The following SUGCT variants were observed in gnomAD, a reference collection of about 807,000 sequenced individuals.
SUGCT encodes the protein succinyl-CoA:glutarate-CoA transferase, also known as succinyl-CoA:glutarate CoA-transferase.
Under a neutral mutation model 55.0 loss-of-function variants are expected in SUGCT, and 41 were observed. The observed-to-expected ratio is 0.74, with a 90% CI of 0.58 to 0.97. The LOEUF (loss-of-function observed/expected upper bound fraction) is 0.97, where lower values mean the gene tolerates loss of function less well. SUGCT is among the 50% of genes least tolerant of loss of function. SUGCT has a pLI of 0.00. For missense variants in SUGCT, 568 were observed against 547.8 expected (o/e 1.04, Z -0.37); for synonymous variants, 187 against 200.4 (o/e 0.93, Z 0.56).
chr7:40,783,811 A>T (rs1442185301), intron 13 of SUGCT, among the ~76,000 whole-genome samples: 5 of 152,156 alleles, frequency 3.3e-5, no homozygotes, highest in Non-Finnish European at 7.4e-5. Context: ...TAAACTTTAG[A>T]CATTTCTCAG....
chr7:40,779,875 G>A (rs904680314), intron 13 of SUGCT, among the ~76,000 whole-genome samples: 2 of 152,126 alleles, frequency 1.3e-5, no homozygotes, highest in Non-Finnish European at 2.9e-5. Context: ...ACCACCACAT[G>A]TCTTTTATTT....
intron 10 of SUGCT, among the ~76,000 whole-genome samples, chr7:40,455,379 A>G (rs1789425792): frequency 6.6e-6 from 1 of 152,224 alleles, no homozygotes; most frequent in Non-Finnish European, 1.5e-5. Context: ...TGGTCTAAAT[A>G]TATGAATTAA....
At chr7:41,036,089 TG>T in the SUGCT span, among the ~76,000 whole-genome samples, 3 of 152,198 alleles carry the variant, frequency 2.0e-5, no homozygotes. Flanking sequence ...CCCCTCACTG[TG>T]GGAAGTCTTG....
chr7:40,581,153 A>G (rs1797067067), intron 12 of SUGCT, among the ~76,000 whole-genome samples: 1 of 152,210 alleles, frequency 6.6e-6, no homozygotes, highest in African/African-American at 2.4e-5. Context: ...TGTATTATGT[A>G]CCAGGTACTG....
intron 13 of SUGCT, among the ~76,000 whole-genome samples, chr7:40,776,997 T>C (rs1292438363): frequency 6.6e-6 from 1 of 152,190 alleles, no homozygotes; most frequent in Admixed American, 6.5e-5. Context: ...ATTAATGCAG[T>C]AGAGCGGTGA....
At chr7:40,419,619 G>C (rs955511431) in intron 9 of SUGCT, among the ~76,000 whole-genome samples, 5 of 152,072 alleles carry the variant, frequency 3.3e-5, no homozygotes, top group African/African-American at 1.2e-4. Context: ...CCGTTCAAGA[G>C]CGTGCTCATC....
At chr7:40,356,227 G>A (rs1797881124) in intron 9 of SUGCT, among the ~76,000 whole-genome samples, 1 of 152,230 alleles carries the variant, frequency 6.6e-6, no homozygotes, top group South Asian at 2.1e-4. Flanking sequence ...AACAACATTA[G>A]TTGTCATCGA....
At chr7:40,392,696 G>T (rs867733005) in intron 9 of SUGCT, among the ~76,000 whole-genome samples, 163 of 152,252 alleles carry the variant, frequency 1.1e-3, no homozygotes, top group African/African-American at 3.7e-3. Context: ...CTCTTGAATG[G>T]GTGAGGAGAT....
At chr7:40,934,822 C>T in the SUGCT span, among the ~76,000 whole-genome samples, 2 of 152,050 alleles carry the variant, frequency 1.3e-5, no homozygotes, top group East Asian at 3.9e-4. Context: ...GCAGAAGTGT[C>T]CTGTTTTTCC....
intron 9 of SUGCT, among the ~76,000 whole-genome samples, chr7:40,377,218 TTTTCTTTCTTTCTTCCCTTCCTTCCTTCC>T (rs1784635324): frequency 2.8e-4 from 2 of 7,064 alleles, no homozygotes; most frequent in Non-Finnish European, 1.0e-3. Context: ...CTTTTCTTTC[TTTTCTTTCTTTCTTCCCTTCCTTCCTTCC>T]TTCTTTCTTT....
At chr7:40,774,937 A>G (rs181424838) in intron 13 of SUGCT, among the ~76,000 whole-genome samples, 1 of 152,232 alleles carries the variant, frequency 6.6e-6, no homozygotes, top group Non-Finnish European at 1.5e-5. Flanking sequence ...TTGTGAAACA[A>G]CAGTGACCAA....
chr7:40,355,981 G>T (rs1797869080), intron 9 of SUGCT, among the ~76,000 whole-genome samples: 1 of 152,232 alleles, frequency 6.6e-6, no homozygotes, highest in Non-Finnish European at 1.5e-5. Flanking sequence ...TTACATTGCA[G>T]ATTAATCACT....
At chr7:40,922,264 A>G in the SUGCT span, among the ~76,000 whole-genome samples, 1 of 152,140 alleles carries the variant, frequency 6.6e-6, no homozygotes, top group Non-Finnish European at 1.5e-5. Context: ...GTTTCTGTAA[A>G]ATTGATCAGG....
intron 13 of SUGCT, among the ~76,000 whole-genome samples, chr7:40,800,768 G>A (rs1156640517): frequency 6.6e-6 from 1 of 152,124 alleles, no homozygotes; most frequent in Admixed American, 6.5e-5. Context: ...TGAAGCTATA[G>A]TGTTCTTGAT....
At chr7:40,520,289 G>A (rs568634476) in intron 12 of SUGCT, among the ~76,000 whole-genome samples, 10 of 152,212 alleles carry the variant, frequency 6.6e-5, no homozygotes, top group African/African-American at 2.2e-4. Context: ...AGCTAAAGAT[G>A]GGACAGGTTA....
Position 40,274,613 on chromosome 7 carries a change from C to G in SUGCT, c.677C>G (p.Thr226Ser). The G allele has an allele frequency of 2.5e-6, 4 of 1,613,516 alleles. No homozygotes were observed. The highest frequency in any genetic ancestry group is 3.4e-6 in the Non-Finnish European group (4 of 1,179,694). The change falls in exon 8 of 14, where the codon ACT (threonine) becomes AGT (serine). Residue 226 changes from threonine (T) to serine (S), a missense_variant. Physicochemically the swap from Thr to Ser is moderately conservative, Grantham distance 58 (BLOSUM62 1). Coordinates refer to ENST00000335693, the MANE Select transcript of SUGCT (RefSeq NM_001193313.2). ...GCTGGATTGATACAAAAATACAAAACTGGGAAAGGACTGTTCATTGATTGT... is the reference window on the plus strand; with the variant it reads ...GCTGGATTGATACAAAAATACAAAAGTGGGAAAGGACTGTTCATTGATTGT... ...IMAGLIQKYK[T>S]GKGLFIDCNL...
chr7:40,883,821 A>T, the SUGCT span, among the ~76,000 whole-genome samples: 3 of 152,178 alleles, frequency 2.0e-5, no homozygotes, highest in Non-Finnish European at 4.4e-5. Context: ...GTCCCAAAAC[A>T]TCAGTCAATC....
At chr7:40,400,226 G>A (rs938811480) in intron 9 of SUGCT, among the ~76,000 whole-genome samples, 3 of 151,830 alleles carry the variant, frequency 2.0e-5, no homozygotes, top group Admixed American at 2.0e-4. Flanking sequence ...CTTCCTGTTA[G>A]TATGGTGAAT....
intron 12 of SUGCT, among the ~76,000 whole-genome samples, chr7:40,566,082 G>GTGTATGTAATATACACTCAGTGAATA (rs1796132784): frequency 6.6e-6 from 1 of 151,998 alleles, no homozygotes; most frequent in Non-Finnish European, 1.5e-5. Context: ...CAGTGAATAT[G>GTGTATGTAATATACACTCAGTGAATA]TGTGTTTGTT....
Sources: gnomAD v4.1 joint callset for allele counts (sites outside exome capture counted in the v4.1 genomes callset) on GRCh38, gnomAD v4.1.1 for gene constraint, MANE v1.5 for transcripts, NCBI Gene and HGNC (gene_info 2026-07-23, HGNC 2026-07-21) for gene names.